The following ZNF385B variants were observed in gnomAD, a reference collection of about 807,000 sequenced individuals.
ZNF385B encodes the protein zinc finger protein 385B.
ZNF385B carries 23 observed loss-of-function variants against 39.2 expected under a neutral mutation model. The ratio of observed to expected loss-of-function variants is 0.59; its 90% CI spans 0.42 to 0.83. The LOEUF (loss-of-function observed/expected upper bound fraction) is 0.83. Among genes scored for constraint, ZNF385B ranks in the 40% least tolerant of loss-of-function variants. ZNF385B has a pLI of 0.00. For synonymous variants in ZNF385B, 205 were observed against 222.6 expected (o/e 0.92, Z 0.70); for missense variants, 552 against 598.9 (o/e 0.92, Z 0.82).
At chr2:179,712,831 T>C (rs766110398) in intron 3 of ZNF385B, among the ~76,000 whole-genome samples, 1 of 152,216 alleles carries the variant, frequency 6.6e-6, no homozygotes, top group Non-Finnish European at 1.5e-5. Context: ...CCTCAACTTA[T>C]AATGGTTTGG....
At chr2:179,792,375 C>CTTTTTTTTTTTTTTTTTTTTTTTTTT (rs374147864) in intron 1 of ZNF385B, among the ~76,000 whole-genome samples, 1 of 124,126 alleles carries the variant, frequency 8.1e-6, no homozygotes, top group African/African-American at 3.1e-5. Context: ...ATTTTCTTTT[C>CTTTTTTTTTTTTTTTTTTTTTTTTTT]TTTTTTTTTT....
At chr2:179,571,670 A>G (rs1383356718) in intron 3 of ZNF385B, among the ~76,000 whole-genome samples, 1 of 152,210 alleles carries the variant, frequency 6.6e-6, no homozygotes, top group Admixed American at 6.5e-5. Flanking sequence ...TTTAAGTTCT[A>G]TTCATATTTT....
intron 1 of ZNF385B, among the ~76,000 whole-genome samples, chr2:179,776,940 T>C (rs1704356839): frequency 6.6e-6 from 1 of 152,116 alleles, no homozygotes. Flanking sequence ...CTTATTATTG[T>C]AGATCCAAAG....
intron 3 of ZNF385B, among the ~76,000 whole-genome samples, chr2:179,569,033 T>G (rs569717895): frequency 3.3e-5 from 5 of 152,222 alleles, no homozygotes; most frequent in African/African-American, 1.2e-4. Context: ...TATACACTTA[T>G]GTATATTAAT....
chr2:179,816,999 T>C (rs1707109872), intron 1 of ZNF385B, among the ~76,000 whole-genome samples: 1 of 152,172 alleles, frequency 6.6e-6, no homozygotes, highest in Non-Finnish European at 1.5e-5. Context: ...TCCAATCTTT[T>C]ACACATTGTG....
chr2:179,860,622 C>T (rs977408389), intron 1 of ZNF385B, among the ~76,000 whole-genome samples: 7 of 152,162 alleles, frequency 4.6e-5, no homozygotes. Flanking sequence ...CTGCAGAACT[C>T]TCCCACGACC....
At chr2:179,839,959 C>A (rs1708457840) in intron 1 of ZNF385B, among the ~76,000 whole-genome samples, 1 of 152,178 alleles carries the variant, frequency 6.6e-6, no homozygotes, top group Non-Finnish European at 1.5e-5. Context: ...GCCAACATTT[C>A]TCATTAGCCA....
intron 5 of ZNF385B, among the ~76,000 whole-genome samples, chr2:179,493,754 T>TAC (rs1439824474): frequency 5.8e-5 from 8 of 137,096 alleles, no homozygotes; most frequent in South Asian, 2.2e-4. Context: ...TATGTGTATA[T>TAC]ACATATATGT....
Position 179,859,801 on chromosome 2 carries a change from G to C in ZNF385B, c.-155+1300C>G, listed in dbSNP as rs372275520. Among the ~76,000 whole-genome samples, 36 of 152,166 alleles carry C rather than the reference G, an allele frequency of 2.4e-4. No homozygotes were observed. The South Asian group carries it at 7.3e-3, about 31-fold the overall frequency. On this transcript the variant is annotated intron_variant, in intron 1 of 9. Transcript: ENST00000410066. ...GCAATGCTGTATTTTGCATTCTAAA[G>C]GCATTTATCTGTTACAGGGAAGGGG...
At chr2:179,814,288 A>G in intron 1 of ZNF385B, 1 of 233,620 alleles carries the variant, frequency 4.3e-6, no homozygotes, top group Non-Finnish European at 8.8e-6. Flanking sequence ...AGCAGCTGGC[A>G]GGTGGACCAG....
At chr2:179,540,338 C>T (rs1458703822) in intron 4 of ZNF385B, among the ~76,000 whole-genome samples, 4 of 152,032 alleles carry the variant, frequency 2.6e-5, no homozygotes, top group South Asian at 4.2e-4. Flanking sequence ...CCCAGCTACT[C>T]GGGAGGCTGA....
intron 3 of ZNF385B, chr2:179,745,655 G>A: frequency 7.0e-7 from 1 of 1,428,216 alleles, no homozygotes; most frequent in Non-Finnish European, 9.4e-7. Flanking sequence ...ACATACAAAA[G>A]AATCTGTTAC....
At chr2:179,714,308 A>G (rs144818757) in intron 3 of ZNF385B, among the ~76,000 whole-genome samples, 8 of 152,356 alleles carry the variant, frequency 5.3e-5, no homozygotes, top group Admixed American at 5.2e-4. Flanking sequence ...ATACCTTCAT[A>G]AGCAAGGACT....
At chr2:179,792,666 C>A (rs966723890) in intron 1 of ZNF385B, among the ~76,000 whole-genome samples, 2 of 152,070 alleles carry the variant, frequency 1.3e-5, no homozygotes, top group African/African-American at 4.8e-5. Context: ...TGAGCCACCA[C>A]GCCCGGCCCA....
At chr2:179,836,767 C>T (rs1463638517) in intron 1 of ZNF385B, among the ~76,000 whole-genome samples, 8 of 152,056 alleles carry the variant, frequency 5.3e-5, no homozygotes, top group African/African-American at 1.9e-4. Flanking sequence ...ATCCACCCGC[C>T]TCGGCCTCCC....
At chr2:179,627,794 T>C (rs1690801813) in intron 3 of ZNF385B, among the ~76,000 whole-genome samples, 1 of 144,416 alleles carries the variant, frequency 6.9e-6, no homozygotes, top group Admixed American at 7.1e-5. Context: ...ATTGGGTGTT[T>C]CTATTGATCA....
intron 3 of ZNF385B, among the ~76,000 whole-genome samples, chr2:179,712,430 A>G (rs1228058080): frequency 6.6e-6 from 1 of 152,168 alleles, no homozygotes; most frequent in Non-Finnish European, 1.5e-5. Flanking sequence ...AGCACTATCC[A>G]CAGCCAGTTG....
chr2:179,778,995 C>T (rs1417098900), intron 1 of ZNF385B, among the ~76,000 whole-genome samples: 1 of 152,188 alleles, frequency 6.6e-6, no homozygotes, highest in African/African-American at 2.4e-5. Flanking sequence ...GGTTAAACAA[C>T]ACAGACTTGC....
intron 3 of ZNF385B, among the ~76,000 whole-genome samples, chr2:179,613,316 C>A (rs573379384): frequency 6.6e-6 from 1 of 152,108 alleles, no homozygotes; most frequent in Non-Finnish European, 1.5e-5. Flanking sequence ...CTCTCCATAG[C>A]GACCACAGCT....
Sources: gnomAD v4.1 joint callset for allele counts (sites outside exome capture counted in the v4.1 genomes callset) on GRCh38, gnomAD v4.1.1 for gene constraint, MANE v1.5 for transcripts, NCBI Gene and HGNC (gene_info 2026-07-23, HGNC 2026-07-21) for gene names.